The following TBC1D4 variants were observed in gnomAD, a reference collection of about 807,000 sequenced individuals.
TBC1D4 encodes the protein TBC1 domain family member 4, also known as TBC (Tre-2, BUB2, CDC16) domain-containing protein.
A neutral mutation model predicts 142.5 loss-of-function variants in TBC1D4; 121 were observed. The ratio of observed to expected loss-of-function variants is 0.85; its 90% confidence interval spans 0.73 to 0.99. The LOEUF is 0.99. TBC1D4 is among the 50% of genes least tolerant of loss of function. The probability of loss-of-function intolerance (pLI) is 0.00; values close to 1 mark genes in which losing one functional copy is unlikely to be tolerated. For synonymous variants in TBC1D4, 630 were observed against 628.2 expected (o/e 1.00, Z -0.04); for missense variants, 1,475 against 1,606.6 (o/e 0.92, Z 1.40).
At position 75,336,497 on chromosome 13, in the gene TBC1D4, C is replaced by T. The variant is rs193080882; in HGVS notation, c.1731+424G>A. On this transcript the variant is annotated intron_variant, in intron 8 of 20. Transcript: ENST00000377636. ...CCAAGGCAGGTGAATCACTTGAGGT[C>T]AGGAGTTTGAGAACAGCCTGACCAA... Among the ~76,000 whole-genome samples, 322 of 152,210 alleles carry T rather than the reference C, an allele frequency of 2.1e-3. 3 individuals carry two copies. Among genetic ancestry groups the T allele is most frequent in the African/African-American group, 7.5e-3 (312 of 41,538 alleles).
rs1882654698 is a variant in TBC1D4, at chr13:75,362,933, A to G, written c.499-326T>C. On this transcript the variant is annotated intron_variant, in intron 1 of 20. Coordinates refer to ENST00000377636, the MANE Select transcript of TBC1D4 (RefSeq NM_014832.5). This position sits in a 1 kb window ranked among gnomAD's most constrained non-coding sequence, Gnocchi z 4.2. The stretch of plus-strand genomic sequence containing the variant: ...TGTCTTTTGATTGTGTTTAAAAGTT[A>G]TTTGTGCCTCAGCTGAAAGGAACCA... Among the ~76,000 whole-genome samples the G allele has an allele frequency of 1.3e-5, 2 of 152,190 alleles. No individual in the cohort carries two copies. The highest frequency in any genetic ancestry group is 2.9e-5 in the Non-Finnish European group (2 of 68,036).
At chr13:75,409,807 C>A (rs180878796) in intron 1 of TBC1D4, among the ~76,000 whole-genome samples, 2 of 152,184 alleles carry the variant, frequency 1.3e-5, no homozygotes, top group East Asian at 3.9e-4. Context: ...ATTTAGCGAA[C>A]CCTTTGCTAG....
At chr13:75,416,685 C>T (rs1196013585) in intron 1 of TBC1D4, among the ~76,000 whole-genome samples, 2 of 152,210 alleles carry the variant, frequency 1.3e-5, no homozygotes, top group African/African-American at 4.8e-5. Context: ...GAGACAGTCA[C>T]CGTGGTTAGG....
intron 11 of TBC1D4, among the ~76,000 whole-genome samples, chr13:75,322,877 GGTC>G (rs1878892137): frequency 6.6e-6 from 1 of 151,972 alleles, no homozygotes; most frequent in Non-Finnish European, 1.5e-5. Flanking sequence ...TCTTCCATAA[GGTC>G]GTCCCTGAAA....
chr13:75,431,225 A>G (rs17064453), intron 1 of TBC1D4, among the ~76,000 whole-genome samples: 388 of 152,360 alleles, frequency 2.5e-3, no homozygotes, highest in African/African-American at 9.0e-3. Flanking sequence ...AATTATCATT[A>G]TGAACAACCT....
At chr13:75,367,900 T>C (rs9543909) in intron 1 of TBC1D4, among the ~76,000 whole-genome samples, 1 of 151,890 alleles carries the variant, frequency 6.6e-6, no homozygotes, top group East Asian at 1.9e-4. Context: ...GGAAGATATA[T>C]AGATGCCAAG....
chr13:75,288,913 C>T (rs777767004), intron 20 of TBC1D4, 21 bp downstream of exon 20: 2 of 1,612,874 alleles, frequency 1.2e-6, no homozygotes, highest in Admixed American at 1.7e-5. Context: ...TACTTATTTG[C>T]TCAAATCTTT....
intron 1 of TBC1D4, among the ~76,000 whole-genome samples, chr13:75,414,177 G>A (rs1293730651): frequency 6.6e-6 from 1 of 152,208 alleles, no homozygotes; most frequent in Non-Finnish European, 1.5e-5. Context: ...GAGGGTGGTA[G>A]GCCTAGGCCA....
At chr13:75,463,509 C>T (rs1888053647) in intron 1 of TBC1D4, among the ~76,000 whole-genome samples, 1 of 151,984 alleles carries the variant, frequency 6.6e-6, no homozygotes, top group South Asian at 2.1e-4. Context: ...ACCCAAGAAT[C>T]TAGTAGACAT....
At chr13:75,370,310 C>G (rs1883155917) in intron 1 of TBC1D4, among the ~76,000 whole-genome samples, 1 of 152,154 alleles carries the variant, frequency 6.6e-6, no homozygotes, top group Non-Finnish European at 1.5e-5. Context: ...GGCTTCTACT[C>G]TTGGTGAGAT....
rs149821147 is a variant in TBC1D4 at position 75,312,867 on chromosome 13, T to C, written c.2254A>G (p.Thr752Ala). Reference protein sequence around the residue: ...DGEGRKRTSSTCSNESLSVGG... With the variant: ...DGEGRKRTSSACSNESLSVGG... ...ACACTTAGGGACTCATTGCTGCAGGTAGATGAGGTCCTTTTTCTCCCTTCT... is the reference window on the plus strand; with the variant it reads ...ACACTTAGGGACTCATTGCTGCAGGCAGATGAGGTCCTTTTTCTCCCTTCT... The change falls in exon 13 of 21, where the codon ACC becomes GCC. Residue 752 changes from threonine (T) to alanine (A), a missense_variant. Thr to Ala is a moderately conservative substitution (Grantham distance 58, BLOSUM62 0). Around this residue, in one of 2 missense-constraint regions of TBC1D4, gnomAD observed 1,227 missense variants for 1,267.7 expected, o/e 0.97. Coordinates refer to ENST00000377636, the MANE Select transcript of TBC1D4 (RefSeq NM_014832.5). 4,634 of 1,614,146 alleles carry C rather than the reference T, an allele frequency of 2.9e-3. 29 individuals carry two copies. Among genetic ancestry groups the C allele is most frequent in the Admixed American group, 0.024 (1,456 of 60,024 alleles).
chr13:75,391,469 T>C lies in TBC1D4; in HGVS notation c.499-28862A>G, dbSNP rs570963711. On this transcript the variant is annotated intron_variant, in intron 1 of 20. Coordinates refer to ENST00000377636, the MANE Select transcript of TBC1D4 (RefSeq NM_014832.5). ...AACCCAACGGTTAATTCCCAGTCCC[T>C]ATCATATTAGACCCATGGAGTACAT... Among the ~76,000 whole-genome samples the C allele has an allele frequency of 7.4e-4, 113 of 152,312 alleles. 2 individuals carry two copies. The highest frequency in any genetic ancestry group is 2.5e-3 in the African/African-American group (105 of 41,574).
chr13:75,443,414 T>A (rs1338428001), intron 1 of TBC1D4, among the ~76,000 whole-genome samples: 1 of 152,206 alleles, frequency 6.6e-6, no homozygotes, highest in Non-Finnish European at 1.5e-5. Flanking sequence ...CAAAGCACAC[T>A]GCCAAGTGTG....
chr13:75,431,180 T>C (rs1886578690), intron 1 of TBC1D4, among the ~76,000 whole-genome samples: 1 of 152,220 alleles, frequency 6.6e-6, no homozygotes, highest in South Asian at 2.1e-4. Flanking sequence ...TGTAATTAGC[T>C]AGTTGATATA....
At chr13:75,395,281 C>T (rs536897397) in intron 1 of TBC1D4, among the ~76,000 whole-genome samples, 3 of 152,238 alleles carry the variant, frequency 2.0e-5, no homozygotes, top group African/African-American at 4.8e-5. Flanking sequence ...CCACAGACGC[C>T]GTGCCTCTTT....
At chr13:75,453,877 T>C (rs61511456) in intron 1 of TBC1D4, among the ~76,000 whole-genome samples, 4 of 151,280 alleles carry the variant, frequency 2.6e-5, no homozygotes, top group African/African-American at 7.3e-5. Context: ...AAAAAAAAAA[T>C]TCTTATTTAA....
intron 1 of TBC1D4, among the ~76,000 whole-genome samples, chr13:75,470,967 C>A (rs538976905): frequency 1.6e-3 from 229 of 146,052 alleles, no homozygotes; most frequent in South Asian, 3.4e-3. Flanking sequence ...GCCCAGGTGA[C>A]AAAGTGAGCC....
intron 4 of TBC1D4, among the ~76,000 whole-genome samples, chr13:75,353,236 T>C (rs1881762724): frequency 1.3e-5 from 2 of 152,136 alleles, no homozygotes; most frequent in Non-Finnish European, 2.9e-5. Context: ...TCATTCTACA[T>C]GCATGAGGGC....
rs1882624983 is a variant in TBC1D4, at chr13:75,362,547, T to C, written c.559A>G (p.Lys187Glu). ...GCGTCCTCATTATCTTTGCTGGGTT[T>C]GGCATCCTCTTTCATGGCCGCTTTA... ...LSKAAMKEDA[K>E]PSKDNEDAFY... is the part of the protein sequence containing the mutation. Residue 187 changes from lysine to glutamate, a missense_variant, in exon 2 of 21, where the codon AAA becomes GAA. Transcript: ENST00000377636. The surrounding 1 kb of genome is among the most constrained non-coding windows in gnomAD (Gnocchi z 4.2). 6.2e-7 allele frequency: 1 copy of C among 1,614,122 alleles called. No homozygotes were observed. Among genetic ancestry groups the C allele is most frequent in the Admixed American group, 1.7e-5 (1 of 60,010 alleles).
Sources: gnomAD v4.1 joint callset for allele counts (sites outside exome capture counted in the v4.1 genomes callset) on GRCh38, gnomAD v4.1.1 for gene constraint, gnomAD v4.1.1 regional missense constraint, Gnocchi (gnomAD v3.1) non-coding constraint, MANE v1.5 for transcripts, NCBI Gene and HGNC (gene_info 2026-07-23, HGNC 2026-07-21) for gene names.